The following GRP variants were observed in gnomAD, a reference collection of about 807,000 sequenced individuals.
GRP encodes gastrin releasing peptide.
A neutral mutation model predicts 12.7 loss-of-function variants in GRP; 11 were observed. The observed-to-expected ratio is 0.87, with a 90% confidence interval of 0.55 to 1.44. The LOEUF is 1.44. Ranked by LOEUF, GRP falls within the 40% of genes most tolerant of loss-of-function variation. The pLI is 0.00. For synonymous variants in GRP, 84 were observed against 77.7 expected, an observed-to-expected ratio of 1.08 and a Z score of -0.43; for missense variants, 212 against 185.4, an observed-to-expected ratio of 1.14 and a Z score of -0.83.
At chr18:59,223,451 A>C (rs1343865510) in intron 1 of GRP, among the ~76,000 whole-genome samples, 1 of 152,198 alleles carries the variant, frequency 6.6e-6, no homozygotes, top group Non-Finnish European at 1.5e-5. Context: ...CATTCCCCAT[A>C]TATGCAAGTA....
At chr18:59,225,430 C>T in intron 1 of GRP, 62 bp from the exon 2 acceptor site, 2 of 1,493,738 alleles carry the variant, frequency 1.3e-6, no homozygotes, top group South Asian at 1.3e-5. Flanking sequence ...TTTTAAATTT[C>T]TCATTCATTC....
chr18:59,227,045 C>CTTTCTTTCTTTCTTTCTTTCTT (rs2069949809), intron 2 of GRP, among the ~76,000 whole-genome samples: 1 of 122,558 alleles, frequency 8.2e-6, no homozygotes, highest in Non-Finnish European at 1.7e-5. Flanking sequence ...TTCTTTCTTT[C>CTTTCTTTCTTTCTTTCTTTCTT]TTTCTTTCTT....
chr18:59,223,611 T>A (rs1365280748), intron 1 of GRP, among the ~76,000 whole-genome samples: 1 of 152,212 alleles, frequency 6.6e-6, no homozygotes, highest in Non-Finnish European at 1.5e-5. Context: ...CTCTTTCTCA[T>A]TTCCAGCATT....
intron 2 of GRP, among the ~76,000 whole-genome samples, chr18:59,229,694 G>C (rs561622871): frequency 6.6e-6 from 1 of 152,316 alleles, no homozygotes; most frequent in African/African-American, 2.4e-5. Flanking sequence ...TCAACAAAAA[G>C]TGTTTTTTCA....
upstream of GRP, chr18:59,220,119 C>CCCCCGG: frequency 7.7e-6 from 3 of 390,796 alleles, no homozygotes; most frequent in African/African-American, 2.2e-5. Context: ...CCCCCCCGCC[C>CCCCCGG]GGGCTTCCAT....
At chr18:59,219,975 G>C (rs1400956458), upstream of GRP, among the ~76,000 whole-genome samples, 1 of 152,172 alleles carries the variant, frequency 6.6e-6, no homozygotes, top group Non-Finnish European at 1.5e-5. Context: ...GGAAAAAAGA[G>C]GGGGCAATGT....
At chr18:59,220,123 C>G, upstream of GRP, 36 of 257,004 alleles carry the variant, frequency 1.4e-4, no homozygotes, top group East Asian at 7.1e-4. Context: ...CCCGCCCGGG[C>G]TTCCATATAA....
At position 59,230,463 on chromosome 18, in the gene GRP, C is replaced by A. The variant is rs2070015895; in HGVS notation, c.442C>A (p.Gln148Lys). ...REGRNPQLNQ[Q>K] ...AGGAAGGAACCCCCAGCTGAACCAG[C>A]AATGATAATGATGGCCTCTCTCAAA... Residue 148 changes from glutamine (Q) to lysine (K), a missense_variant, in exon 3 of 3, where the codon CAA (glutamine) becomes AAA (lysine). Transcript: ENST00000256857. 2.5e-6 allele frequency: 4 copies of A among 1,573,010 alleles called. No homozygotes were observed. The highest frequency in any genetic ancestry group is 1.3e-5 in the African/African-American group (1 of 74,150).
chr18:59,222,425 C>T (rs919671574), intron 1 of GRP, among the ~76,000 whole-genome samples: 1 of 152,162 alleles, frequency 6.6e-6, no homozygotes, highest in Non-Finnish European at 1.5e-5. Flanking sequence ...GCACTTTTTT[C>T]TCTCCCTTTG....
chr18:59,220,372 A>C lies in GRP; in HGVS notation c.107A>C (p.Lys36Thr). The C allele has an allele frequency of 7.0e-7, 1 of 1,429,590 alleles. No homozygotes were observed. The highest frequency in any genetic ancestry group is 9.2e-7 in the Non-Finnish European group (1 of 1,091,800). The allele number at this position is 1,429,590 out of a possible 1,614,324, so 88.6% of individuals were successfully genotyped here. Residue 36 changes from lysine (K) to threonine (T), a missense_variant, in exon 1 of 3, where the codon AAG (lysine) becomes ACG (threonine). Transcript: ENST00000256857. The stretch of plus-strand genomic sequence containing the variant: ...GCGGGCGGAGGGACCGTGCTGACCA[A>C]GATGTACCCGCGCGGCAACCACTGG... ...LPAGGGTVLTKMYPRGNHWAV... is the reference protein window; with the variant it reads ...LPAGGGTVLTTMYPRGNHWAV...
rs374866055 is a variant in GRP, at chr18:59,225,572, T to G, written c.220T>G (p.Tyr74Asp). ...GAGCCTGAAGCAGCAGCTGAGAGAG[T>G]ACATCAGGTGGGAAGAAGCTGCAAG... The part of the protein sequence containing the change: ...RGSLKQQLRE[Y>D]IRWEEAARNL... Residue 74 changes from tyrosine (Y) to aspartate (D), a missense_variant, in exon 2 of 3, where the codon TAC becomes GAC. Coordinates refer to ENST00000256857, the MANE Select transcript of GRP (RefSeq NM_002091.5). The G allele has an allele frequency of 1.1e-4, 173 of 1,613,898 alleles. No homozygotes were observed. In the Middle Eastern group the frequency reaches 4.3e-3, roughly 40 times the overall value.
chr18:59,219,599 G>A (rs1406108879), upstream of GRP, among the ~76,000 whole-genome samples: 1 of 151,078 alleles, frequency 6.6e-6, no homozygotes, highest in Non-Finnish European at 1.5e-5. Context: ...GCAAGAAAGA[G>A]GCAAGGTCCA....
At position 59,220,407 on chromosome 18, in the gene GRP, G is replaced by A. The variant is rs1028906623; in HGVS notation, c.139+3G>A. Reference sequence around the variant, plus strand: ...GCGCGGCAACCACTGGGCGGTGGGTGAGTGTCCTGGCCGCGGGAGCCGCGC... The same window carrying A: ...GCGCGGCAACCACTGGGCGGTGGGTAAGTGTCCTGGCCGCGGGAGCCGCGC... On this transcript the variant is annotated splice_donor_region_variant and intron_variant, in intron 1 of 2. Transcript: ENST00000256857. 1.3e-5 allele frequency: 18 copies of A among 1,364,636 alleles called. No individual in the cohort carries two copies. The African/African-American group carries it at 2.7e-4, about 21-fold the overall frequency. 84.5% of individuals were successfully genotyped at this position (1,364,636 alleles called of 1,614,324 possible). A position where few individuals can be genotyped will look rare whatever the true frequency, so the allele number is the denominator to read the frequency against.
intron 1 of GRP, 42 bp downstream of exon 1, chr18:59,220,446 T>C: frequency 7.5e-7 from 1 of 1,326,178 alleles, no homozygotes; most frequent in Non-Finnish European, 9.7e-7. Flanking sequence ...TGTCCTCCTC[T>C]GGATCAGCCA....
intron 1 of GRP, among the ~76,000 whole-genome samples, chr18:59,223,344 G>T (rs2069865383): frequency 1.3e-5 from 2 of 152,164 alleles, no homozygotes; most frequent in Admixed American, 1.3e-4. Context: ...AAGCAAAACT[G>T]GACCCAGGGA....
chr18:59,222,377 G>A (rs915030318), intron 1 of GRP, among the ~76,000 whole-genome samples: 2 of 152,134 alleles, frequency 1.3e-5, no homozygotes, highest in African/African-American at 4.8e-5. Flanking sequence ...ACCAACCAGT[G>A]GTGACCCCAA....
At chr18:59,226,866 C>T (rs367722981) in intron 2 of GRP, among the ~76,000 whole-genome samples, 1 of 152,218 alleles carries the variant, frequency 6.6e-6, no homozygotes, top group South Asian at 2.1e-4. Flanking sequence ...CCTCGGCTGG[C>T]TTTCTGGAGG....
chr18:59,225,349 A>G (rs1703787976), intron 1 of GRP, 143 bp from the exon 2 acceptor site: 3 of 805,970 alleles, frequency 3.7e-6, no homozygotes, highest in Non-Finnish European at 2.0e-6. Context: ...TTTATGAACT[A>G]ACTCTTAATA....
intron 1 of GRP, among the ~76,000 whole-genome samples, chr18:59,220,968 C>T (rs1189065307): frequency 1.3e-5 from 2 of 152,248 alleles, no homozygotes; most frequent in African/African-American, 4.8e-5. Context: ...GCGCAGTGCC[C>T]TGAATCCCGC....
Sources: allele counts gnomAD v4.1 joint callset (sites outside exome capture counted in the v4.1 genomes callset), GRCh38; gene constraint gnomAD v4.1.1; transcripts MANE v1.5; gene names NCBI Gene and HGNC (gene_info 2026-07-23, HGNC 2026-07-21).